Variants in RUSC1 observed in about 807,000 individuals in gnomAD.
RUSC1 encodes the protein RUN and SH3 domain containing 1, also known as AP-4 complex accessory subunit RUSC1.
Under a neutral mutation model 72.1 loss-of-function variants are expected in RUSC1, and 40 were observed. The observed-to-expected ratio is 0.55, with a 90% confidence interval of 0.43 to 0.72. The LOEUF (loss-of-function observed/expected upper bound fraction) is 0.72. Among genes scored for constraint, RUSC1 ranks in the 30% least tolerant of loss-of-function variants. RUSC1 has a pLI of 0.00. For missense variants in RUSC1, 1,092 were observed against 1,172.3 expected (o/e 0.93, Z 1.00); for synonymous variants, 512 against 494.2 (o/e 1.04, Z -0.48).
Position 155,322,436 on chromosome 1 carries a change from C to A in RUSC1, c.663C>A (p.Asp221Glu). Residue 221 changes from aspartate to glutamate, a missense_variant, in exon 2 of 10, where the codon GAC (aspartate) becomes GAA (glutamate). Transcript: ENST00000368352. ...ELLEADDGKI[D>E]AGKTEPSWKI... ...TAGAGGCGGATGATGGGAAAATCGA[C>A]GCTGGGAAAACGGAGCCCAGTTGGA... is the stretch of plus-strand genomic sequence containing the variant. The A allele has an allele frequency of 6.2e-7, 1 of 1,614,078 alleles. No homozygotes were observed. The highest frequency in any genetic ancestry group is 8.5e-7 in the Non-Finnish European group (1 of 1,179,992).
In RUSC1 at chr1:155,322,740, C is replaced by T. The variant is rs771776940; in HGVS notation, c.967C>T (p.Arg323Cys). ...ITSFHELAQK[R>C]KRGPGLPLVP... ...GTCCTTCCACGAGCTGGCCCAGAAG[C>T]GCAAGCGGGGCCCAGGGCTGCCCCT... The change falls in exon 2 of 10, where the codon CGC becomes TGC. Residue 323 changes from arginine (R) to cysteine (C), a missense_variant. Arg to Cys is a radical substitution (Grantham distance 180, BLOSUM62 -3). Transcript: ENST00000368352. 2 of 1,614,168 alleles carry T rather than the reference C, an allele frequency of 1.2e-6. No homozygotes were observed. The highest frequency in any genetic ancestry group is 2.2e-5 in the South Asian group (2 of 91,084).
chr1:155,329,481 C>T (rs1473623982), intron 9 of RUSC1, among the ~76,000 whole-genome samples: 1 of 151,020 alleles, frequency 6.6e-6, no homozygotes, highest in Non-Finnish European at 1.5e-5. Context: ...CAACCTCCGC[C>T]TCCTGGGTTC....
In RUSC1 at chr1:155,325,371, C is replaced by T; in HGVS notation, c.1589C>T (p.Thr530Ile). 1 of 1,596,358 alleles carries T rather than the reference C, an allele frequency of 6.3e-7. No homozygotes were observed. ...GATGTGGGGCACCTGGTGCTGACCA[C>T]CCTCTGCCCGGCCCTCCACGCCCTG... Reference protein sequence around the residue: ...SPDVGHLVLTTLCPALHALVA... With the variant: ...SPDVGHLVLTILCPALHALVA... Residue 530 changes from threonine to isoleucine, a missense_variant, in exon 5 of 10, where the codon ACC becomes ATC. Coordinates refer to ENST00000368352, the MANE Select transcript of RUSC1 (RefSeq NM_001105203.2). This position sits in a 1 kb window ranked among gnomAD's most constrained non-coding sequence, Gnocchi z 6.5.
At position 155,326,059 on chromosome 1, in the gene RUSC1, G is replaced by C; in HGVS notation, c.1861+149G>C. On this transcript the variant is annotated intron_variant, in intron 7 of 9. Coordinates refer to ENST00000368352, the MANE Select transcript of RUSC1 (RefSeq NM_001105203.2). The surrounding 1 kb of genome is among the most constrained non-coding windows in gnomAD (Gnocchi z 4.7). The stretch of plus-strand genomic sequence containing the variant: ...TCTTCTAATTAAAACTTTCTAAGGA[G>C]GCCCATCGCCCATAGGATGAAAGAC... The C allele has an allele frequency of 1.2e-6, 1 of 859,204 alleles. No homozygotes were observed. The highest frequency in any genetic ancestry group is 1.9e-6 in the Non-Finnish European group (1 of 539,458). The allele number at this position is 859,204 out of a possible 1,614,324, so 53.2% of individuals were successfully genotyped here.
chr1:155,322,137 T>G lies in RUSC1; in HGVS notation c.364T>G (p.Tyr122Asp). 1 of 1,604,940 alleles carries G rather than the reference T, an allele frequency of 6.2e-7. No homozygotes were observed. Among genetic ancestry groups the G allele is most frequent in the Non-Finnish European group, 8.5e-7 (1 of 1,174,196 alleles). ...LSPDESPVSV[Y>D]LRDLPGDEDA... is the part of the protein sequence containing the mutation. ...CCCCGATGAGTCCCCTGTCTCAGTC[T>G]ACTTGCGGGACCTCCCTGGTGATGA... Residue 122 changes from tyrosine (Y) to aspartate (D), a missense_variant, in exon 2 of 10, where the codon TAC becomes GAC. By Grantham distance (160) the Tyr-to-Asp change is radical. Coordinates refer to ENST00000368352, the MANE Select transcript of RUSC1 (RefSeq NM_001105203.2).
At position 155,325,975 on chromosome 1, in the gene RUSC1, C is replaced by T; in HGVS notation, c.1861+65C>T. Reference sequence around the variant, plus strand: ...GGGAGGATGGGAAGGAAAGAGTTCTCTCCTGCTGGTTCCCACTGCTGCCAG... The same window carrying T: ...GGGAGGATGGGAAGGAAAGAGTTCTTTCCTGCTGGTTCCCACTGCTGCCAG... On this transcript the variant is annotated intron_variant, in intron 7 of 9. Coordinates refer to ENST00000368352, the MANE Select transcript of RUSC1 (RefSeq NM_001105203.2). This position sits in a 1 kb window ranked among gnomAD's most constrained non-coding sequence, Gnocchi z 6.5. 6.6e-7 allele frequency: 1 copy of T among 1,504,544 alleles called. No individual in the cohort carries two copies. Among genetic ancestry groups the T allele is most frequent in the Non-Finnish European group, 9.3e-7 (1 of 1,080,476 alleles). 93.2% of individuals were successfully genotyped at this position (1,504,544 alleles called of 1,614,324 possible).
In RUSC1 at chr1:155,327,051, C is replaced by A; in HGVS notation, c.2333C>A (p.Pro778Gln). The change falls in exon 8 of 10, where the codon CCA (proline) becomes CAA (glutamine). Residue 778 changes from proline (P) to glutamine (Q), a missense_variant. By Grantham distance (76) the Pro-to-Gln change is moderately conservative. Coordinates refer to ENST00000368352, the MANE Select transcript of RUSC1 (RefSeq NM_001105203.2). ...CCCCTGCCCACAGATGAGATGGCACCAGGCAGGGGCCTCTGGTTGGGAAGA... is the reference window on the plus strand; with the variant it reads ...CCCCTGCCCACAGATGAGATGGCACAAGGCAGGGGCCTCTGGTTGGGAAGA... ...ERPLPTDEMAPGRGLWLGRLF... is the reference protein window; with the variant it reads ...ERPLPTDEMAQGRGLWLGRLF... 4.3e-6 allele frequency: 7 copies of A among 1,613,400 alleles called. No individual in the cohort carries two copies. The highest frequency in any genetic ancestry group is 5.9e-6 in the Non-Finnish European group (7 of 1,179,982).
intron 1 of RUSC1, 198 bp downstream of exon 1, chr1:155,321,189 A>T (rs552600913): frequency 2.2e-6 from 3 of 1,369,504 alleles, no homozygotes; most frequent in South Asian, 1.1e-5. Flanking sequence ...CAGCCAGCAG[A>T]TGCGGAGTTG....
intron 1 of RUSC1, 130 bp from the exon 2 acceptor site, chr1:155,321,558 T>C: frequency 7.6e-7 from 1 of 1,316,864 alleles, no homozygotes; most frequent in Admixed American, 2.5e-5. Flanking sequence ...CGATTGCGAT[T>C]TGCATCTCAT....
intron 2 of RUSC1, chr1:155,324,009 C>A: frequency 9.7e-7 from 1 of 1,030,648 alleles, no homozygotes; most frequent in East Asian, 1.0e-4. Context: ...GAAGTTGTTG[C>A]CTTTCCTGCT....
chr1:155,329,977 G>C (rs1249770263), intron 9 of RUSC1, among the ~76,000 whole-genome samples: 1 of 140,510 alleles, frequency 7.1e-6, no homozygotes, highest in South Asian at 2.2e-4. Context: ...AAAAAAAAAA[G>C]TAGATGGAGT....
chr1:155,327,361 C>A (rs1651528092), intron 8 of RUSC1, among the ~76,000 whole-genome samples: 1 of 152,124 alleles, frequency 6.6e-6, no homozygotes, highest in East Asian at 1.9e-4. Context: ...TCCCCAGGTA[C>A]ATGTGGGGGA....
At chr1:155,328,690 C>T (rs1450018263) in intron 9 of RUSC1, among the ~76,000 whole-genome samples, 2 of 152,098 alleles carry the variant, frequency 1.3e-5, no homozygotes, top group African/African-American at 4.8e-5. Flanking sequence ...ATCTCCGCCT[C>T]CCAGGTTCAA....
chr1:155,321,263 A>G (rs1249651856), intron 1 of RUSC1: 1 of 1,367,184 alleles, frequency 7.3e-7, no homozygotes. Context: ...CATTCACCAG[A>G]CAAACTCTGC....
rs770695483 is a variant in RUSC1 at position 155,324,882 on chromosome 1, C to T, written c.1395C>T (p.Ala465=). Residue 465 remains alanine (A), a synonymous_variant, in exon 3 of 10, where the codon GCC becomes GCT. Coordinates refer to ENST00000368352, the MANE Select transcript of RUSC1 (RefSeq NM_001105203.2). ...GGTCCTTCGCCGGTGTCCCCGGAGC[C>T]CAGCGGCTGTGGATGGCAGAAGCCC... is the stretch of plus-strand genomic sequence containing the variant. ...SSWSFAGVPG[A]QRLWMAEAQS... 2 of 1,614,242 alleles carry T rather than the reference C, an allele frequency of 1.2e-6. No homozygotes were observed. The highest frequency in any genetic ancestry group is 1.7e-6 in the Non-Finnish European group (2 of 1,180,046).
rs372011274 is a variant in RUSC1 at position 155,325,681 on chromosome 1, C to T, written c.1814+9C>T. 6.3e-5 allele frequency: 102 copies of T among 1,613,242 alleles called. No individual in the cohort carries two copies. The highest frequency in any genetic ancestry group is 8.5e-5 in the Non-Finnish European group (100 of 1,179,658). ...ATCCTGGGCCTCCTCAAGTGAGTTG[C>T]CTTCTTTCCAGTGCCCTTCCCACGA... On this transcript the variant is annotated intron_variant, in intron 6 of 9. Coordinates refer to ENST00000368352, the MANE Select transcript of RUSC1 (RefSeq NM_001105203.2). The surrounding 1 kb of genome is among the most constrained non-coding windows in gnomAD (Gnocchi z 6.5).
At position 155,321,930 on chromosome 1, in the gene RUSC1, G is replaced by A. The variant is rs533747010; in HGVS notation, c.157G>A (p.Gly53Ser). ...AGACACTGGGGGCAAGGAGAGCAGG[G>A]GCCCCTGCAGTGGCACCCTGGTGGA... ...PGDTGGKESR[G>S]PCSGTLVDAN... The change falls in exon 2 of 10, where the codon GGC becomes AGC. Residue 53 changes from glycine to serine, a missense_variant. Coordinates refer to ENST00000368352, the MANE Select transcript of RUSC1 (RefSeq NM_001105203.2). 3 of 1,605,328 alleles carry A rather than the reference G, an allele frequency of 1.9e-6. No homozygotes were observed. The highest frequency in any genetic ancestry group is 2.6e-6 in the Non-Finnish European group (3 of 1,176,078).
intron 1 of RUSC1, chr1:155,321,297 A>ACCTC: frequency 7.3e-7 from 1 of 1,367,824 alleles, no homozygotes; most frequent in South Asian, 1.1e-5. Context: ...CCCATCCTCC[A>ACCTC]CCTCCTTTCA....
At chr1:155,330,243 A>C (rs1225416697) in intron 9 of RUSC1, among the ~76,000 whole-genome samples, 160 bp from the exon 10 acceptor site, 1 of 152,166 alleles carries the variant, frequency 6.6e-6, no homozygotes, top group Admixed American at 6.5e-5. Flanking sequence ...CTGGGGCCCC[A>C]GATAGAATCA....
Sources: allele counts gnomAD v4.1 joint callset (sites outside exome capture counted in the v4.1 genomes callset), GRCh38; gene constraint gnomAD v4.1.1; non-coding constraint Gnocchi (gnomAD v3.1); transcripts MANE v1.5; gene names NCBI Gene and HGNC (gene_info 2026-07-23, HGNC 2026-07-21).